Variants in GLMN observed in about 807,000 individuals in gnomAD.
The protein encoded by GLMN is glomulin, FKBP associated protein.
GLMN carries 75 observed loss-of-function variants against 87.8 expected under a neutral mutation model. That is an observed-to-expected ratio of 0.85 (90% CI 0.71 to 1.04). The LOEUF (loss-of-function observed/expected upper bound fraction) is 1.04. Among genes scored for constraint, GLMN ranks in the 50% least tolerant of loss-of-function variants. GLMN has a pLI of 0.00. For synonymous variants in GLMN, 206 were observed against 221.6 expected (o/e 0.93, Z 0.63); for missense variants, 588 against 658.8 (o/e 0.89, Z 1.18).
chr1:92,287,278 A>C (rs1233193545), intron 6 of GLMN, among the ~76,000 whole-genome samples: 1 of 152,192 alleles, frequency 6.6e-6, no homozygotes, highest in South Asian at 2.1e-4. Context: ...TTATTCTGTG[A>C]TTAAGCCTTT....
upstream of GLMN, chr1:92,300,088 G>A (rs1179687355): frequency 2.8e-6 from 2 of 721,606 alleles, no homozygotes; most frequent in Middle Eastern, 3.8e-4. Flanking sequence ...CATAGAAAAG[G>A]TACAGTAAAA....
At chr1:92,330,497 G>T in the GLMN span, among the ~76,000 whole-genome samples, 2 of 130,796 alleles carry the variant, frequency 1.5e-5, no homozygotes, top group South Asian at 5.0e-4. Context: ...GCCCAGTCTG[G>T]AGTGCAATGG....
the GLMN span, among the ~76,000 whole-genome samples, chr1:92,347,093 CTG>C: frequency 2.0e-5 from 3 of 152,176 alleles, no homozygotes; most frequent in Non-Finnish European, 4.4e-5. Flanking sequence ...GAGCCAGAAT[CTG>C]TGTCACCCAA....
chr1:92,365,229 A>G, the GLMN span, among the ~76,000 whole-genome samples: 20 of 152,310 alleles, frequency 1.3e-4, no homozygotes, highest in African/African-American at 3.8e-4. Flanking sequence ...ACACATTTAT[A>G]TAAAAATCTC....
the GLMN span, among the ~76,000 whole-genome samples, chr1:92,364,015 AG>A: frequency 6.6e-6 from 1 of 152,040 alleles, no homozygotes; most frequent in African/African-American, 2.4e-5. Context: ...TGCATGGGGG[AG>A]GGGGTCAGTG....
the GLMN span, among the ~76,000 whole-genome samples, chr1:92,348,672 CTT>C: frequency 6.6e-6 from 1 of 152,120 alleles, no homozygotes; most frequent in African/African-American, 2.4e-5. Context: ...AACTGATAGA[CTT>C]TTTTTATCTC....
At chr1:92,296,668 G>A (rs1461865832) in intron 3 of GLMN, among the ~76,000 whole-genome samples, 1 of 152,160 alleles carries the variant, frequency 6.6e-6, no homozygotes, top group Admixed American at 6.5e-5. Context: ...AAATTTGGCA[G>A]GATGTTGCCA....
At chr1:92,269,660 A>C in intron 9 of GLMN, 63 bp downstream of exon 9, 1 of 1,065,706 alleles carries the variant, frequency 9.4e-7, no homozygotes, top group Non-Finnish European at 1.5e-6. Context: ...GTCTCCGCTG[A>C]TCTTAACAAG....
the GLMN span, among the ~76,000 whole-genome samples, chr1:92,357,988 G>A: frequency 2.6e-5 from 4 of 152,122 alleles, no homozygotes; most frequent in African/African-American, 7.2e-5. Context: ...GTGCAGTGGC[G>A]TGATCATAGC....
At position 92,267,946 on chromosome 1, in the gene GLMN, G is replaced by A. The variant is rs1023792600; in HGVS notation, c.1065C>T (p.Tyr355=). Residue 355 remains tyrosine (Y), a synonymous_variant, in exon 11 of 19, where the codon TAC becomes TAT. Transcript: ENST00000370360. ...CAGTAAGAAAACTCTTGATTTCTAA[G>A]TACTGGTAAAGTAGACTATTGTCTT... The part of the protein sequence containing the change: ...RIEDNSLLYQ[Y]LEIKSFLTVP... 11 of 1,544,858 alleles carry A rather than the reference G, an allele frequency of 7.1e-6. No individual in the cohort carries two copies. Among genetic ancestry groups the A allele is most frequent in the Non-Finnish European group, 9.0e-6 (10 of 1,117,138 alleles).
the GLMN span, among the ~76,000 whole-genome samples, chr1:92,369,227 T>G: frequency 3.9e-5 from 6 of 152,236 alleles, no homozygotes; most frequent in Non-Finnish European, 8.8e-5. Flanking sequence ...TATAAATTAC[T>G]GTTTTTTATT....
the GLMN span, chr1:92,304,390 C>A: frequency 9.0e-7 from 1 of 1,109,434 alleles, no homozygotes; most frequent in South Asian, 1.4e-5. Context: ...AATTTTTTTT[C>A]TTTACTAACC....
the GLMN span, chr1:92,324,010 A>G: frequency 2.5e-6 from 4 of 1,614,038 alleles, no homozygotes; most frequent in Admixed American, 3.3e-5. Flanking sequence ...AGTTGGAAAG[A>G]GAAACTTACT....
chr1:92,358,067 C>T, the GLMN span, among the ~76,000 whole-genome samples: 1 of 152,134 alleles, frequency 6.6e-6, no homozygotes, highest in African/African-American at 2.4e-5. Context: ...AGAATAACAT[C>T]ATAAAATCTG....
intron 7 of GLMN, among the ~76,000 whole-genome samples, chr1:92,274,311 C>T (rs1656579359): frequency 6.6e-6 from 1 of 152,174 alleles, no homozygotes; most frequent in South Asian, 2.1e-4. Context: ...ACCTTTTATA[C>T]CACAGGGCCT....
chr1:92,271,350 A>T, intron 8 of GLMN, 115 bp downstream of exon 8: 1 of 796,410 alleles, frequency 1.3e-6, no homozygotes, highest in Non-Finnish European at 2.2e-6. Flanking sequence ...AATAGCCTTT[A>T]CTATTTATTT....
chr1:92,357,238 G>T, the GLMN span, among the ~76,000 whole-genome samples: 3 of 152,200 alleles, frequency 2.0e-5, no homozygotes, highest in Non-Finnish European at 1.5e-5. Context: ...GGAGGTTGAG[G>T]AAAGGGAGAA....
the GLMN span, among the ~76,000 whole-genome samples, chr1:92,362,934 C>G: frequency 6.0e-4 from 92 of 152,120 alleles, no homozygotes; most frequent in South Asian, 6.2e-4. Flanking sequence ...CTTTTACATG[C>G]TCCAAAATCA....
chr1:92,318,749 A>T, the GLMN span, among the ~76,000 whole-genome samples: 2 of 152,052 alleles, frequency 1.3e-5, no homozygotes, highest in Non-Finnish European at 2.9e-5. Context: ...CTCCTTTGAG[A>T]TATCCTTTCA....
Sources: allele counts gnomAD v4.1 joint callset (sites outside exome capture counted in the v4.1 genomes callset), GRCh38; gene constraint gnomAD v4.1.1; transcripts MANE v1.5; gene names NCBI Gene and HGNC (gene_info 2026-07-23, HGNC 2026-07-21).